The following ZNF892 variants were observed in gnomAD, a reference collection of about 807,000 sequenced individuals.
ZNF892 encodes the protein zinc finger protein 892.
the ZNF892 span, among the ~76,000 whole-genome samples, chr2:95,234,679 C>T: frequency 2.0e-5 from 3 of 152,338 alleles, no homozygotes; most frequent in African/African-American, 7.2e-5. Flanking sequence ...AAAACTCTTT[C>T]CTGTGCCCAG....
At chr2:95,260,649 C>T in the ZNF892 span, among the ~76,000 whole-genome samples, 2 of 152,316 alleles carry the variant, frequency 1.3e-5, no homozygotes, top group East Asian at 1.9e-4. Context: ...GGGTTCTCAT[C>T]CTCTCTCCCT....
chr2:95,235,664 G>T, the ZNF892 span, among the ~76,000 whole-genome samples: 4 of 152,176 alleles, frequency 2.6e-5, no homozygotes. Flanking sequence ...CCCGGCCCCA[G>T]TAAACTTTCT....
At chr2:95,262,450 T>C in the ZNF892 span, among the ~76,000 whole-genome samples, 2 of 152,190 alleles carry the variant, frequency 1.3e-5, no homozygotes, top group Non-Finnish European at 2.9e-5. Context: ...TGTGGCCTTA[T>C]GACCAAGTTC....
the ZNF892 span, among the ~76,000 whole-genome samples, chr2:95,242,764 A>G: frequency 6.6e-6 from 1 of 152,192 alleles, no homozygotes; most frequent in Non-Finnish European, 1.5e-5. Flanking sequence ...GTGCAAAGAC[A>G]CACATGGGCT....
chr2:95,245,844 T>C, the ZNF892 span, among the ~76,000 whole-genome samples: 1 of 151,900 alleles, frequency 6.6e-6, no homozygotes, highest in South Asian at 2.1e-4. Flanking sequence ...AATAGACCAA[T>C]AACAAGTCCT....
the ZNF892 span, among the ~76,000 whole-genome samples, chr2:95,224,665 G>T: frequency 1.6e-4 from 25 of 152,170 alleles, no homozygotes; most frequent in African/African-American, 2.4e-5. Flanking sequence ...CAACATTGAG[G>T]ATTACAATTT....
At chr2:95,230,736 A>T in the ZNF892 span, among the ~76,000 whole-genome samples, 1 of 152,182 alleles carries the variant, frequency 6.6e-6, no homozygotes, top group Non-Finnish European at 1.5e-5. Flanking sequence ...TCAGCCAAGG[A>T]TCCTTGGTTC....
chr2:95,207,085 T>C, the ZNF892 span, among the ~76,000 whole-genome samples: 1 of 152,142 alleles, frequency 6.6e-6, no homozygotes, highest in Non-Finnish European at 1.5e-5. Context: ...TATTCCGAGG[T>C]GCAATATGGT....
At chr2:95,215,291 CA>C in the ZNF892 span, 1 of 467,004 alleles carries the variant, frequency 2.1e-6, no homozygotes, top group South Asian at 6.2e-5. Context: ...CCTATAAATG[CA>C]ATGATTGTGC....
At chr2:95,207,610 G>A in the ZNF892 span, 78 of 390,240 alleles carry the variant, frequency 2.0e-4, no homozygotes, top group African/African-American at 1.5e-3. Flanking sequence ...GTGTGTGGCT[G>A]GAGGTCGAAC....
chr2:95,218,356 C>T, the ZNF892 span, among the ~76,000 whole-genome samples: 1 of 152,212 alleles, frequency 6.6e-6, no homozygotes, highest in African/African-American at 2.4e-5. Flanking sequence ...GCTTAGAAAT[C>T]TCCTAAATAA....
the ZNF892 span, chr2:95,211,589 G>A: frequency 5.8e-5 from 23 of 398,378 alleles, no homozygotes; most frequent in African/African-American, 4.1e-4. Context: ...GAGGCTCATT[G>A]GTGAGCACCA....
the ZNF892 span, among the ~76,000 whole-genome samples, chr2:95,240,375 G>C: frequency 1.4e-4 from 21 of 152,212 alleles, no homozygotes; most frequent in Non-Finnish European, 2.5e-4. Flanking sequence ...CCCACCCCCA[G>C]CCAAGGGAAG....
chr2:95,229,910 A>G, the ZNF892 span, among the ~76,000 whole-genome samples: 1 of 152,184 alleles, frequency 6.6e-6, no homozygotes, highest in Non-Finnish European at 1.5e-5. Context: ...GCTAGGCATG[A>G]GTTCCAGTTT....
At chr2:95,216,236 C>T in the ZNF892 span, among the ~76,000 whole-genome samples, 1 of 152,202 alleles carries the variant, frequency 6.6e-6, no homozygotes, top group Non-Finnish European at 1.5e-5. Flanking sequence ...TAGCCTTACC[C>T]TGCAACTAAG....
the ZNF892 span, among the ~76,000 whole-genome samples, chr2:95,245,894 A>G: frequency 6.6e-6 from 1 of 152,200 alleles, no homozygotes; most frequent in Non-Finnish European, 1.5e-5. Flanking sequence ...AATGAAAAAA[A>G]GCCCAGGACC....
At chr2:95,215,587 G>T in the ZNF892 span, 3 of 402,198 alleles carry the variant, frequency 7.5e-6, no homozygotes, top group South Asian at 1.2e-4. Context: ...CAACACAAGA[G>T]AATTCATACT....
chr2:95,211,002 T>C, the ZNF892 span, among the ~76,000 whole-genome samples: 1 of 151,994 alleles, frequency 6.6e-6, no homozygotes, highest in Non-Finnish European at 1.5e-5. Flanking sequence ...TTCAAGCAGA[T>C]GAAAGAATGC....
the ZNF892 span, among the ~76,000 whole-genome samples, chr2:95,211,361 G>A: frequency 0.011 from 1,674 of 152,260 alleles, 14 homozygotes; most frequent in Middle Eastern, 0.027. Flanking sequence ...AAGTTCATAC[G>A]TTCAAGTTTT....
Sources: gnomAD v4.1 joint callset for allele counts (sites outside exome capture counted in the v4.1 genomes callset) on GRCh38, gnomAD v4.1.1 for gene constraint, MANE v1.5 for transcripts, NCBI Gene and HGNC (gene_info 2026-07-23, HGNC 2026-07-21) for gene names.